The following GHDC variants were observed in gnomAD, a reference collection of about 807,000 sequenced individuals.
GHDC encodes the protein GH3 domain containing, also known as GH3 domain-containing protein.
GHDC carries 39 observed loss-of-function variants against 51.5 expected under a neutral mutation model. The ratio of observed to expected loss-of-function variants is 0.76; its 90% CI spans 0.59 to 0.99. GHDC has a LOEUF of 0.99. Ranked by LOEUF, GHDC falls within the 50% of genes least tolerant of loss-of-function variation. The probability of loss-of-function intolerance (pLI) is 0.00; values close to 1 mark genes in which losing one functional copy is unlikely to be tolerated. For missense variants in GHDC, 610 were observed against 672.8 expected (o/e 0.91, Z 1.03); for synonymous variants, 282 against 305.2 (o/e 0.92, Z 0.79).
chr17:42,189,883 C>A lies in GHDC; in HGVS notation c.1413G>T (p.Lys471Asn). ...CCACGCTGCCCCAGAACCGCAGGGA[C>A]TTGTAGCGGGGAGAGGCTTCCTGAA... The part of the protein sequence containing the change: ...HCLQEASPRY[K>N]SLRFWGSVGP... Residue 471 changes from lysine to asparagine, a missense_variant, in exon 10 of 10, where the codon AAG becomes AAT. Coordinates refer to ENST00000587427, the MANE Select transcript of GHDC (RefSeq NM_032484.5). 1 of 1,555,878 alleles carries A rather than the reference C, an allele frequency of 6.4e-7. No homozygotes were observed.
At position 42,193,933 on chromosome 17, in the gene GHDC, A is replaced by G. The variant is rs928736773; in HGVS notation, c.-97-83T>C. The G allele has an allele frequency of 9.6e-5, 26 of 271,832 alleles. No individual in the cohort carries two copies. The Admixed American group carries it at 1.0e-3, about 11-fold the overall frequency. The allele number at this position is 271,832 out of a possible 1,614,324, so 16.8% of individuals were successfully genotyped here. ...TGAGGTGGCTATCATCTGTAATCCC[A>G]GCACTTTGGGAGGCTGAGGCAGGAG... is the stretch of plus-strand genomic sequence containing the variant. On this transcript the variant is annotated intron_variant, in intron 1 of 9. Coordinates refer to ENST00000587427, the MANE Select transcript of GHDC (RefSeq NM_032484.5).
chr17:42,193,280 CT>C, intron 3 of GHDC, 36 bp downstream of exon 3: 1 of 1,543,914 alleles, frequency 6.5e-7, no homozygotes, highest in Non-Finnish European at 8.7e-7. Flanking sequence ...GGGTTTCTTT[CT>C]CTTTGGGTCA....
In GHDC at chr17:42,192,989, C is replaced by T. The variant is rs1567649196; in HGVS notation, c.304G>A (p.Ala102Thr). ...TFRNHLPLTK[A>T]SQTQQEDSGE... ...CTGTCTTCCTGCTGGGTCTGGCTGGCCTTGGTCAGAGGGAGATGATTCCGG... is the reference window on the plus strand; with the variant it reads ...CTGTCTTCCTGCTGGGTCTGGCTGGTCTTGGTCAGAGGGAGATGATTCCGG... The change falls in exon 4 of 10, where the codon GCC becomes ACC. Residue 102 changes from alanine to threonine, a missense_variant. By Grantham distance (58) the Ala-to-Thr change is moderately conservative. Coordinates refer to ENST00000587427, the MANE Select transcript of GHDC (RefSeq NM_032484.5). 1.2e-6 allele frequency: 2 copies of T among 1,614,042 alleles called. No individual in the cohort carries two copies.
chr17:42,191,286 C>A, intron 5 of GHDC, 76 bp from the exon 6 acceptor site: 1 of 1,367,254 alleles, frequency 7.3e-7, no homozygotes, highest in East Asian at 2.8e-5. Context: ...CTCCTGGATC[C>A]CAGGCCTGAT....
intron 1 of GHDC, 66 bp downstream of exon 1, chr17:42,194,327 A>G (rs1050185263): frequency 1.3e-5 from 2 of 152,376 alleles, no homozygotes; most frequent in African/African-American, 4.8e-5. Context: ...TTCTCTCGGG[A>G]TCCACCCTGT....
At chr17:42,191,901 T>G (rs771466669) in intron 5 of GHDC, among the ~76,000 whole-genome samples, 1 of 152,064 alleles carries the variant, frequency 6.6e-6, no homozygotes, top group African/African-American at 2.4e-5. Context: ...TAGCTGGGAT[T>G]ATAGGCGTGC....
In GHDC at chr17:42,190,366, T is replaced by G. The variant is rs750032015; in HGVS notation, c.1289-96A>C. 7.5e-6 allele frequency: 12 copies of G among 1,601,648 alleles called. No homozygotes were observed. The Admixed American group carries it at 1.6e-4, about 21-fold the overall frequency. ...CTATCTGTTCTTCCCCACTCTGAGA[T>G]TCATAGGGAAAAAAGAGTTTCTTGG... is the stretch of plus-strand genomic sequence containing the variant. On this transcript the variant is annotated intron_variant, in intron 8 of 9. Coordinates refer to ENST00000587427, the MANE Select transcript of GHDC (RefSeq NM_032484.5).
At chr17:42,193,257 T>C in intron 3 of GHDC, 60 bp downstream of exon 3, 3 of 1,522,612 alleles carry the variant, frequency 2.0e-6, no homozygotes, top group Non-Finnish European at 2.6e-6. Context: ...CTCTGGAATC[T>C]GACGGTCCTG....
At chr17:42,193,065 CA>C (rs2144170269) in intron 3 of GHDC, 38 bp from the exon 4 acceptor site, 1 of 1,613,834 alleles carries the variant, frequency 6.2e-7, no homozygotes, top group Non-Finnish European at 8.5e-7. Context: ...CTCAGGAAGC[CA>C]GTTTCCCAAG....
chr17:42,190,784 GGAGCCCAGGA>G, intron 7 of GHDC, 27 bp from the exon 8 acceptor site: 1 of 1,613,994 alleles, frequency 6.2e-7, no homozygotes, highest in Non-Finnish European at 8.5e-7. Context: ...GAGAGGCAGT[GGAGCCCAGGA>G]CACAAGGATG....
At chr17:42,193,710 C>G in intron 2 of GHDC, 57 bp downstream of exon 2, 1 of 1,262,688 alleles carries the variant, frequency 7.9e-7, no homozygotes. Context: ...GAAGGCAGGA[C>G]CCTGTGGGGC....
intron 8 of GHDC, 125 bp downstream of exon 8, chr17:42,190,499 C>T: frequency 7.1e-7 from 1 of 1,411,132 alleles, no homozygotes; most frequent in Non-Finnish European, 9.5e-7. Context: ...GAGTTAGATG[C>T]AGAGAAGGAC....
At position 42,189,674 on chromosome 17, in the gene GHDC, G is replaced by A. The variant is rs778772228; in HGVS notation, c.*29C>T. On this transcript the variant is annotated 3_prime_UTR_variant, in exon 10 of 10. Transcript: ENST00000587427. ...AGGGAGGGGCGAGGTGGCCTCTGGG[G>A]GGAGCTGGGCGGTGGGGCAGGACTT... 1 of 1,267,774 alleles carries A rather than the reference G, an allele frequency of 7.9e-7. No homozygotes were observed. Among genetic ancestry groups the A allele is most frequent in the African/African-American group, 1.5e-5 (1 of 65,952 alleles). The allele number at this position is 1,267,774 out of a possible 1,614,324, so 78.5% of individuals were successfully genotyped here. A position where few individuals can be genotyped will look rare whatever the true frequency, so the allele number is the denominator to read the frequency against.
chr17:42,193,748 G>T lies in GHDC; in HGVS notation c.-14+19C>A. 4 of 953,182 alleles carry T rather than the reference G, an allele frequency of 4.2e-6. No homozygotes were observed. Among genetic ancestry groups the T allele is most frequent in the South Asian group, 3.5e-5 (2 of 57,250 alleles). 59.0% of individuals were successfully genotyped at this position (953,182 alleles called of 1,614,324 possible). ...GTGATGCAAAGGAGAGACTATCAAA[G>T]CTTTGGAGTCCCACTGACCTGAGTG... On this transcript the variant is annotated intron_variant, in intron 2 of 9. Transcript: ENST00000587427.
At chr17:42,190,157 A>C in intron 9 of GHDC, 28 bp downstream of exon 9, 1 of 1,601,040 alleles carries the variant, frequency 6.2e-7, no homozygotes, top group Non-Finnish European at 8.5e-7. Flanking sequence ...AGGGGTCTAC[A>C]GTCAGACCCT....
At position 42,189,816 on chromosome 17, in the gene GHDC, C is replaced by CT. The variant is rs1180156252; in HGVS notation, c.1479dup (p.Ala494SerfsTer80). ...CAGGCAGCGAGGGCTGCCCGGAGTG[C>CT]TCGGAAGGCTCCCTGCCCCACCAGG... On this transcript the variant is annotated frameshift_variant, in exon 10 of 10. Transcript: ENST00000587427. LOFTEE classifies it high-confidence loss of function. The CT allele has an allele frequency of 1.4e-5, 22 of 1,558,692 alleles. No homozygotes were observed. The highest frequency in any genetic ancestry group is 1.8e-5 in the Non-Finnish European group (21 of 1,152,508).
chr17:42,189,786 A>G lies in GHDC; in HGVS notation c.1510T>C (p.Ser504Pro). Residue 504 changes from serine to proline, a missense_variant, in exon 10 of 10, where the codon TCC (serine) becomes CCC (proline). Coordinates refer to ENST00000587427, the MANE Select transcript of GHDC (RefSeq NM_032484.5). ...ALRAALAACPSSPFPPAMPRV... is the reference protein window; with the variant it reads ...ALRAALAACPPSPFPPAMPRV... ...GGCATCGCAGGGGGGAAGGGGGAGG[A>G]GGGGCAGGCAGCGAGGGCTGCCCGG... The G allele has an allele frequency of 6.5e-7, 1 of 1,541,912 alleles. No individual in the cohort carries two copies. The highest frequency in any genetic ancestry group is 8.7e-7 in the Non-Finnish European group (1 of 1,143,546).
intron 8 of GHDC, 161 bp downstream of exon 8, chr17:42,190,463 G>A (rs2079959428): frequency 3.5e-6 from 5 of 1,420,712 alleles, no homozygotes; most frequent in African/African-American, 1.4e-5. Flanking sequence ...AAAGAAAATG[G>A]GTAGAGACTG....
At chr17:42,190,025 A>G in intron 9 of GHDC, 104 bp from the exon 10 acceptor site, 1 of 1,337,326 alleles carries the variant, frequency 7.5e-7, no homozygotes, top group Non-Finnish European at 1.0e-6. Flanking sequence ...TTTTGTGTGG[A>G]CAGGTGTGTG....
Sources: allele counts gnomAD v4.1 joint callset (sites outside exome capture counted in the v4.1 genomes callset), GRCh38; gene constraint gnomAD v4.1.1; transcripts MANE v1.5; gene names NCBI Gene and HGNC (gene_info 2026-07-23, HGNC 2026-07-21).